Variants in HERC3 observed in about 807,000 individuals in gnomAD.
HERC3 encodes probable E3 ubiquitin-protein ligase HERC3.
Under a neutral mutation model 129.9 loss-of-function variants are expected in HERC3, and 58 were observed. That is an observed-to-expected ratio of 0.45 (90% CI 0.36 to 0.56). The LOEUF (loss-of-function observed/expected upper bound fraction) is 0.56. Among genes scored for constraint, HERC3 ranks in the 20% least tolerant of loss-of-function variants. The pLI, the probability that HERC3 is intolerant of heterozygous loss-of-function variation, is 0.00. For missense variants in HERC3, 835 were observed against 1,244.2 expected (o/e 0.67, Z 4.95); for synonymous variants, 430 against 451.0 (o/e 0.95, Z 0.59).
chr4:88,538,975 G>C, the HERC3 span, among the ~76,000 whole-genome samples: 1 of 152,194 alleles, frequency 6.6e-6, no homozygotes, highest in African/African-American at 2.4e-5. Context: ...AATAGGAACA[G>C]ATCCAGTCTG....
At chr4:88,533,602 C>T in the HERC3 span, among the ~76,000 whole-genome samples, 333 of 152,304 alleles carry the variant, frequency 2.2e-3, 1 homozygote, top group African/African-American at 7.7e-3. Flanking sequence ...CGGTGAGAAA[C>T]AGCATGCCAA....
At chr4:88,687,555 C>G (rs992748694) in intron 23 of HERC3, among the ~76,000 whole-genome samples, 1 of 152,148 alleles carries the variant, frequency 6.6e-6, no homozygotes, top group African/African-American at 2.4e-5. Context: ...GTTACGTAAA[C>G]TGGTTTCAGT....
chr4:88,534,168 C>T, the HERC3 span, among the ~76,000 whole-genome samples: 2 of 152,208 alleles, frequency 1.3e-5, no homozygotes, highest in African/African-American at 4.8e-5. Flanking sequence ...TAACAGCTTC[C>T]GGATGCTGCT....
rs529271766 is a variant in HERC3, at chr4:88,691,395, A to G, written c.2657+4096A>G. ...AAAAGTACGATAAACTGGATGGCTT[A>G]TAAACAACACAAATGTATTTGTCAT... On this transcript the variant is annotated intron_variant, in intron 23 of 25. Coordinates refer to ENST00000402738, the MANE Select transcript of HERC3 (RefSeq NM_014606.3). 3.9e-5 allele frequency among the ~76,000 whole-genome samples: 6 copies of G among 152,370 alleles called. No individual in the cohort carries two copies. In the East Asian group the frequency reaches 9.6e-4, roughly 24 times the overall value.
chr4:88,693,716 C>T, intron 23 of HERC3: 2 of 981,750 alleles, frequency 2.0e-6, no homozygotes, highest in Non-Finnish European at 2.4e-6. Flanking sequence ...CATTCTCAGG[C>T]AGAGAGAGCT....
intron 11 of HERC3, among the ~76,000 whole-genome samples, chr4:88,663,556 G>A (rs137930599): frequency 1.0e-3 from 154 of 152,272 alleles, no homozygotes; most frequent in African/African-American, 3.2e-3. Flanking sequence ...CTCCCCAGCT[G>A]TATATTTGTG....
At chr4:88,554,293 C>T in the HERC3 span, among the ~76,000 whole-genome samples, 3,830 of 147,222 alleles carry the variant, frequency 0.026, 67 homozygotes, top group Non-Finnish European at 0.043. Flanking sequence ...TGCAATGACC[C>T]GAGATTGCAC....
Position 88,595,608 on chromosome 4 carries a change from A to C in HERC3, c.-36A>C, listed in dbSNP as rs910394351. On this transcript the variant is annotated 5_prime_UTR_variant, in exon 2 of 26. An upstream open reading frame in the 5' UTR loses its in-frame stop. Transcript: ENST00000402738. Reference sequence around the variant, plus strand: ...CTTCTAGTCCAATGCCAAGTGTGTGACCTGTGGTGAGTTACTTAATTTTTC... The same window carrying C: ...CTTCTAGTCCAATGCCAAGTGTGTGCCCTGTGGTGAGTTACTTAATTTTTC... The C allele has an allele frequency of 1.3e-5, 2 of 152,176 alleles. No homozygotes were observed. The highest frequency in any genetic ancestry group is 1.5e-5 in the Non-Finnish European group (1 of 68,048). 9.4% of individuals were successfully genotyped at this position (152,176 alleles called of 1,614,324 possible). A position where few individuals can be genotyped will look rare whatever the true frequency, so the allele number is the denominator to read the frequency against.
Position 88,669,987 on chromosome 4 carries a change from C to T in HERC3, c.1761C>T (p.Ile587=). ...TTCCCGTACTGTTTAACAATTATAT[C>T]ACAGCAGCTCTCAAACTCTTGGAGA... ...FLIPVLFNNY[I]TAALKLLEKL... The change falls in exon 15 of 26, where the codon ATC becomes ATT. Residue 587 remains isoleucine, a synonymous_variant. Transcript: ENST00000402738. 6.2e-7 allele frequency: 1 copy of T among 1,613,900 alleles called. No individual in the cohort carries two copies. Among genetic ancestry groups the T allele is most frequent in the South Asian group, 1.1e-5 (1 of 91,078 alleles).
intron 25 of HERC3, among the ~76,000 whole-genome samples, chr4:88,704,950 T>C (rs1345235232): frequency 1.3e-5 from 2 of 150,492 alleles, no homozygotes; most frequent in Admixed American, 6.6e-5. Context: ...AACCTCCGCC[T>C]CCTGGATTCA....
At chr4:88,691,358 G>T (rs778350126) in intron 23 of HERC3, among the ~76,000 whole-genome samples, 24 of 152,160 alleles carry the variant, frequency 1.6e-4, no homozygotes, top group Non-Finnish European at 2.8e-4. Flanking sequence ...GTTTGTCTTT[G>T]GGCTGCTGTA....
chr4:88,577,584 T>G, the HERC3 span, among the ~76,000 whole-genome samples: 172 of 146,768 alleles, frequency 1.2e-3, 2 homozygotes, highest in South Asian at 0.02. Flanking sequence ...TTATACTATG[T>G]ATATATGTGT....
intron 7 of HERC3, 89 bp from the exon 8 acceptor site, chr4:88,655,085 A>G: frequency 7.3e-7 from 1 of 1,363,028 alleles, no homozygotes; most frequent in Non-Finnish European, 1.0e-6. Flanking sequence ...GCTCTTGTGC[A>G]CATTGTTGTG....
At chr4:88,558,091 A>AAAAAG in the HERC3 span, among the ~76,000 whole-genome samples, 2 of 150,582 alleles carry the variant, frequency 1.3e-5, no homozygotes, top group African/African-American at 4.9e-5. Context: ...AAAAAAAAAA[A>AAAAAG]AAAAGAAAAA....
intron 23 of HERC3, among the ~76,000 whole-genome samples, chr4:88,701,003 A>G (rs1735269643): frequency 6.6e-6 from 1 of 152,188 alleles, no homozygotes; most frequent in African/African-American, 2.4e-5. Flanking sequence ...TATCTTAACA[A>G]CATCCAGACT....
At chr4:88,689,532 CAAA>C (rs34892852) in intron 23 of HERC3, among the ~76,000 whole-genome samples, 5 of 103,640 alleles carry the variant, frequency 4.8e-5, no homozygotes, top group African/African-American at 7.3e-5. Context: ...CCGCCCCCGC[CAAA>C]AAAAAAAAAA....
the HERC3 span, among the ~76,000 whole-genome samples, chr4:88,564,145 G>A: frequency 1.3e-5 from 2 of 152,080 alleles, no homozygotes. Context: ...AATCCTATTT[G>A]GTCTTAATGA....
intron 3 of HERC3, among the ~76,000 whole-genome samples, chr4:88,614,379 G>T (rs2149209424): frequency 6.6e-6 from 1 of 152,158 alleles, no homozygotes; most frequent in South Asian, 2.1e-4. Flanking sequence ...GTAACCTCAG[G>T]CTGATTGAGA....
the HERC3 span, among the ~76,000 whole-genome samples, chr4:88,545,744 T>C: frequency 2.0e-5 from 3 of 152,086 alleles, no homozygotes; most frequent in Non-Finnish European, 4.4e-5. Flanking sequence ...AAAGTAATGA[T>C]GGCTCTAAGA....
Sources: gnomAD v4.1 joint callset for allele counts (sites outside exome capture counted in the v4.1 genomes callset) on GRCh38, gnomAD v4.1.1 for gene constraint, MANE v1.5 for transcripts, NCBI Gene and HGNC (gene_info 2026-07-23, HGNC 2026-07-21) for gene names.